The following LIN28B variants were observed in gnomAD, a reference collection of about 807,000 sequenced individuals.
The protein encoded by LIN28B is protein lin-28 homolog B.
LIN28B carries 5 observed loss-of-function variants against 21.9 expected under a neutral mutation model. The ratio of observed to expected loss-of-function variants is 0.23; its 90% CI spans 0.12 to 0.48. The LOEUF is 0.48. LIN28B is among the 20% of genes least tolerant of loss of function. LIN28B has a pLI of 0.98. For missense variants in LIN28B, 245 were observed against 310.5 expected (o/e 0.79, Z 1.58); for synonymous variants, 109 against 111.3 (o/e 0.98, Z 0.13).
At chr6:105,005,606 T>G (rs1326596350) in intron 2 of LIN28B, among the ~76,000 whole-genome samples, 8 of 148,862 alleles carry the variant, frequency 5.4e-5, no homozygotes, top group African/African-American at 1.2e-4. Context: ...GTCCCTTGGC[T>G]CTCTCTCTCT....
At chr6:105,078,156 T>TA (rs1360147113) in intron 3 of LIN28B, among the ~76,000 whole-genome samples, 3 of 152,202 alleles carry the variant, frequency 2.0e-5, no homozygotes, top group Admixed American at 1.3e-4. Flanking sequence ...TAAATATTCT[T>TA]ACATGTTTTA....
chr6:105,062,824 C>T (rs770286658), intron 3 of LIN28B, among the ~76,000 whole-genome samples: 129 of 151,942 alleles, frequency 8.5e-4, no homozygotes, highest in Non-Finnish European at 1.5e-3. Context: ...TAGCCTATGA[C>T]AAAACATTTT....
rs1778148916 is a variant in LIN28B at position 104,945,768 on chromosome 6, CTG to C, written c.19-4689_19-4688del. Reference sequence around the variant, plus strand: ...CAAAACTAACTGTGCTGTGGCTCAACTGTGTTATAGCTTACATTTAAGCTAAA... The same window carrying C: ...CAAAACTAACTGTGCTGTGGCTCAACTGTTATAGCTTACATTTAAGCTAAA... On this transcript the variant is annotated intron_variant, in intron 2 of 5. Coordinates refer to the LIN28B transcript ENST00000635857. 1.3e-5 allele frequency among the ~76,000 whole-genome samples: 2 copies of C among 152,072 alleles called. 1 individual carries two copies. Among genetic ancestry groups the C allele is most frequent in the Admixed American group, 1.3e-4 (2 of 15,280 alleles).
chr6:105,019,969 C>G (rs1444124483), intron 2 of LIN28B, among the ~76,000 whole-genome samples: 1 of 152,078 alleles, frequency 6.6e-6, no homozygotes, highest in South Asian at 2.1e-4. Context: ...GTAGCCACTT[C>G]CCAATCTAGT....
chr6:105,064,057 A>G (rs2114405674), intron 3 of LIN28B, among the ~76,000 whole-genome samples: 1 of 152,282 alleles, frequency 6.6e-6, no homozygotes. Context: ...TGTTAAAGCT[A>G]GTTGGTGAAA....
intron 2 of LIN28B, among the ~76,000 whole-genome samples, chr6:104,982,681 G>A (rs1318840056): frequency 6.6e-6 from 1 of 151,946 alleles, no homozygotes; most frequent in Non-Finnish European, 1.5e-5. Flanking sequence ...ACAAGTACTG[G>A]GAAATTATTG....
chr6:105,050,907 C>G lies in LIN28B; in HGVS notation c.383+24425C>G, dbSNP rs1337110604. ...ATAAAATATGTAAGACTGTGTTTTACAAATGATGCTTTAAAACATATATAG... is the reference window on the plus strand; with the variant it reads ...ATAAAATATGTAAGACTGTGTTTTAGAAATGATGCTTTAAAACATATATAG... On this transcript the variant is annotated intron_variant, in intron 3 of 3. Transcript: ENST00000345080. Among the ~76,000 whole-genome samples, 2 of 151,104 alleles carry G rather than the reference C, an allele frequency of 1.3e-5. 1 individual carries two copies. The highest frequency in any genetic ancestry group is 4.9e-5 in the African/African-American group (2 of 40,718).
chr6:105,041,979 G>A (rs1771647180), intron 3 of LIN28B, among the ~76,000 whole-genome samples: 1 of 152,118 alleles, frequency 6.6e-6, no homozygotes, highest in African/African-American at 2.4e-5. Context: ...GGATTTGAGT[G>A]CTCAATCCTA....
intron 2 of LIN28B, among the ~76,000 whole-genome samples, chr6:104,938,965 A>G (rs550117903): frequency 7.9e-5 from 12 of 152,276 alleles, no homozygotes; most frequent in Admixed American, 2.0e-4. Context: ...TCTGTTTACA[A>G]TTCTTCTCAG....
chr6:104,946,960 G>C (rs183611826), intron 2 of LIN28B, among the ~76,000 whole-genome samples: 5 of 152,200 alleles, frequency 3.3e-5, no homozygotes, highest in Admixed American at 3.3e-4. Context: ...TACTATTCCT[G>C]ATTGTTAAAT....
chr6:104,994,798 G>T (rs1325717364), intron 2 of LIN28B, among the ~76,000 whole-genome samples: 1 of 152,086 alleles, frequency 6.6e-6, no homozygotes, highest in Non-Finnish European at 1.5e-5. Context: ...TAAGAGGGAT[G>T]GAAAGGTTGG....
intron 3 of LIN28B, among the ~76,000 whole-genome samples, chr6:105,050,632 A>AAAAAAG: frequency 6.7e-6 from 1 of 149,394 alleles, no homozygotes; most frequent in Non-Finnish European, 1.5e-5. Flanking sequence ...AAAAAAAAAA[A>AAAAAAG]AAGAATGTTG....
chr6:105,064,712 A>G (rs1772187301), intron 3 of LIN28B, among the ~76,000 whole-genome samples: 1 of 152,194 alleles, frequency 6.6e-6, no homozygotes, highest in South Asian at 2.1e-4. Flanking sequence ...AAACAAATTT[A>G]CCTCCTTTTA....
chr6:105,033,368 A>C (rs1481447300), intron 3 of LIN28B, among the ~76,000 whole-genome samples: 3 of 152,104 alleles, frequency 2.0e-5, no homozygotes, highest in African/African-American at 7.2e-5. Context: ...ATAAGGTAGA[A>C]TCATATTTTG....
chr6:104,975,782 A>G (rs1407254480), intron 2 of LIN28B, among the ~76,000 whole-genome samples: 1 of 151,502 alleles, frequency 6.6e-6, no homozygotes, highest in African/African-American at 2.4e-5. Flanking sequence ...AGCCTCTTGC[A>G]TAGCTGGGAC....
At chr6:104,963,192 G>A (rs890841898) in intron 2 of LIN28B, among the ~76,000 whole-genome samples, 8 of 151,956 alleles carry the variant, frequency 5.3e-5, no homozygotes, top group Non-Finnish European at 1.2e-4. Context: ...GACTACAGGC[G>A]CCCGCCACCA....
intron 2 of LIN28B, among the ~76,000 whole-genome samples, chr6:105,020,300 T>C (rs1771111820): frequency 6.6e-6 from 1 of 151,684 alleles, no homozygotes; most frequent in Non-Finnish European, 1.5e-5. Context: ...TTAAAAATCC[T>C]TTTTAAATGG....
rs1267242810 is a variant in LIN28B, at chr6:105,078,891, C to A, written c.*108C>A. 2 of 1,294,490 alleles carry A rather than the reference C, an allele frequency of 1.5e-6. No individual in the cohort carries two copies. Among genetic ancestry groups the A allele is most frequent in the Admixed American group, 4.7e-5 (2 of 43,000 alleles). 80.2% of individuals were successfully genotyped at this position (1,294,490 alleles called of 1,614,324 possible). A position where few individuals can be genotyped will look rare whatever the true frequency, so the allele number is the denominator to read the frequency against. On this transcript the variant is annotated 3_prime_UTR_variant, in exon 4 of 4. Coordinates refer to ENST00000345080, the MANE Select transcript of LIN28B (RefSeq NM_001004317.4). ...AGTAGCTGACCTGGGATTTTAACTA[C>A]TATTGGGGAACTGTGAATTTTTTAA...
At chr6:105,001,893 A>T (rs1346061001) in intron 2 of LIN28B, among the ~76,000 whole-genome samples, 1 of 152,136 alleles carries the variant, frequency 6.6e-6, no homozygotes, top group Admixed American at 6.6e-5. Context: ...GAAAGTGGGG[A>T]GGGGAGAAAA....
Sources: gnomAD v4.1 joint callset for allele counts (sites outside exome capture counted in the v4.1 genomes callset) on GRCh38, gnomAD v4.1.1 for gene constraint, MANE v1.5 for transcripts, NCBI Gene and HGNC (gene_info 2026-07-23, HGNC 2026-07-21) for gene names.